Variants in RBFOX1 observed in about 807,000 individuals in gnomAD.
RBFOX1 encodes RNA binding fox-1 homolog 1, also known as RNA binding protein fox-1 homolog 1.
In RBFOX1, 8 loss-of-function variants were observed where a neutral mutation model predicts 57.7. The ratio of observed to expected loss-of-function variants is 0.14; its 90% CI spans 0.08 to 0.25. RBFOX1 has a LOEUF of 0.25. RBFOX1 is among the 10% of genes least tolerant of loss of function. The pLI, the probability that RBFOX1 is intolerant of heterozygous loss-of-function variation, is 1.00. For synonymous variants in RBFOX1, 326 were observed against 222.4 expected (o/e 1.47, Z -4.15); for missense variants, 611 against 548.5 (o/e 1.11, Z -1.14).
chr16:7,706,465 T>A (rs2082475016), intron 14 of RBFOX1, among the ~76,000 whole-genome samples: 1 of 152,204 alleles, frequency 6.6e-6, no homozygotes, highest in Non-Finnish European at 1.5e-5. Flanking sequence ...ACCACTGAAG[T>A]ATGCAGTAGG....
intron 4 of RBFOX1, among the ~76,000 whole-genome samples, chr16:7,332,552 T>G (rs2096711926): frequency 6.6e-6 from 1 of 152,278 alleles, no homozygotes; most frequent in South Asian, 2.1e-4. Context: ...TCTCAGTTTA[T>G]TTTTCCCTAA....
chr16:6,775,128 A>G (rs2079088054), intron 3 of RBFOX1, among the ~76,000 whole-genome samples: 2 of 150,726 alleles, frequency 1.3e-5, no homozygotes. Flanking sequence ...GATCCAGACC[A>G]TCCTGGCGAA....
intron 1 of RBFOX1, among the ~76,000 whole-genome samples, chr16:5,361,141 A>T (rs2065538679): frequency 6.6e-6 from 1 of 152,198 alleles, no homozygotes; most frequent in Non-Finnish European, 1.5e-5. Context: ...CAGTTTACAG[A>T]TGTAAAAGGC....
intron 4 of RBFOX1, among the ~76,000 whole-genome samples, chr16:7,095,293 G>A (rs1277652060): frequency 6.6e-6 from 1 of 151,892 alleles, no homozygotes; most frequent in South Asian, 2.1e-4. Flanking sequence ...TGTCACCACT[G>A]TGCCTGGTTC....
intron 3 of RBFOX1, among the ~76,000 whole-genome samples, chr16:6,754,199 C>G (rs1362616706): frequency 1.3e-5 from 2 of 152,168 alleles, no homozygotes; most frequent in Non-Finnish European, 2.9e-5. Flanking sequence ...GCAGCTACAG[C>G]TAGGAAAGTG....
chr16:6,026,109 G>C lies in RBFOX1; in HGVS notation c.-127+6117G>C, dbSNP rs115774617. The stretch of plus-strand genomic sequence containing the variant: ...CCCCAGGCTTAGAGAAACTGTCCCT[G>C]TTTGCCTGTGTCGATTCTCGTTTTT... On this transcript the variant is annotated intron_variant, in intron 1 of 15. Coordinates refer to ENST00000550418, the MANE Select transcript of RBFOX1 (RefSeq NM_018723.4). Among the ~76,000 whole-genome samples the C allele has an allele frequency of 2.3e-3, 350 of 152,274 alleles. 1 individual carries two copies. Among genetic ancestry groups the C allele is most frequent in the African/African-American group, 8.0e-3 (334 of 41,558 alleles).
chr16:7,350,299 A>C (rs781392592), intron 4 of RBFOX1, among the ~76,000 whole-genome samples: 1 of 152,036 alleles, frequency 6.6e-6, no homozygotes, highest in Non-Finnish European at 1.5e-5. Context: ...GGAGGAAAAA[A>C]GCAAAAGTCC....
intron 4 of RBFOX1, among the ~76,000 whole-genome samples, chr16:7,323,421 C>T (rs1012140626): frequency 1.3e-5 from 2 of 152,104 alleles, no homozygotes; most frequent in East Asian, 1.9e-4. Flanking sequence ...GAGACCCTGT[C>T]TCAATAAATA....
rs375991151 is a variant in RBFOX1, at chr16:6,323,778, CT to C, written c.-64+6733del. ...ATGTTGCATAGTAGTGAAGTCTGTG[CT>C]TTTTTTTTTTTGAGATAGAGTCTCA... On this transcript the variant is annotated intron_variant, in intron 2 of 15. Transcript: ENST00000550418. Among the ~76,000 whole-genome samples, 1,311 of 143,968 alleles carry C rather than the reference CT, an allele frequency of 9.1e-3. 10 individuals carry two copies. Among genetic ancestry groups the C allele is most frequent in the African/African-American group, 0.025 (1,009 of 39,726 alleles). The allele number at this position is 143,968 out of a possible 152,430, so 94.4% of individuals were successfully genotyped here. A position where few individuals can be genotyped will look rare whatever the true frequency, so the allele number is the denominator to read the frequency against.
At chr16:5,640,687 C>G (rs541434868) in intron 3 of RBFOX1, among the ~76,000 whole-genome samples, 4 of 151,818 alleles carry the variant, frequency 2.6e-5, no homozygotes, top group African/African-American at 7.3e-5. Context: ...CACAAGCACA[C>G]CATGGATACA....
intron 1 of RBFOX1, among the ~76,000 whole-genome samples, chr16:5,267,496 C>G (rs2062890283): frequency 1.3e-5 from 2 of 151,632 alleles, no homozygotes; most frequent in Admixed American, 6.6e-5. Context: ...CGGGGTTTCA[C>G]CATGTTGGCC....
At chr16:6,730,269 C>A (rs80097493) in intron 3 of RBFOX1, among the ~76,000 whole-genome samples, 1 of 152,068 alleles carries the variant, frequency 6.6e-6, no homozygotes, top group Non-Finnish European at 1.5e-5. Context: ...CACCAGTGTA[C>A]GGCCCTAAGG....
At chr16:5,834,773 A>G (rs902202593) in intron 3 of RBFOX1, among the ~76,000 whole-genome samples, 4 of 140,138 alleles carry the variant, frequency 2.9e-5, no homozygotes, top group African/African-American at 1.1e-4. Context: ...ATACATGCAC[A>G]GATGATAGAT....
chr16:7,641,674 C>G (rs1390841568), intron 11 of RBFOX1, among the ~76,000 whole-genome samples: 1 of 152,162 alleles, frequency 6.6e-6, no homozygotes, highest in Non-Finnish European at 1.5e-5. Context: ...TCTGGCAAGT[C>G]CTAATTCCCA....
At chr16:7,679,785 G>C (rs1342085853) in intron 14 of RBFOX1, among the ~76,000 whole-genome samples, 1 of 151,992 alleles carries the variant, frequency 6.6e-6, no homozygotes, top group Non-Finnish European at 1.5e-5. Flanking sequence ...CAACCTGAGA[G>C]TCTCTGAATG....
At chr16:6,441,913 C>A (rs531677521) in intron 2 of RBFOX1, among the ~76,000 whole-genome samples, 1 of 152,020 alleles carries the variant, frequency 6.6e-6, no homozygotes, top group Non-Finnish European at 1.5e-5. Flanking sequence ...GTCAGCGTGG[C>A]GGGAGGGTCT....
chr16:7,308,849 A>G (rs573604357), intron 4 of RBFOX1, among the ~76,000 whole-genome samples: 5 of 152,330 alleles, frequency 3.3e-5, no homozygotes, highest in Middle Eastern at 3.4e-3. Flanking sequence ...AGGTCATAAC[A>G]ATTATGACTG....
At chr16:5,687,997 C>A (rs574909252) in intron 3 of RBFOX1, among the ~76,000 whole-genome samples, 9 of 152,128 alleles carry the variant, frequency 5.9e-5, no homozygotes, top group African/African-American at 1.4e-4. Context: ...TCTGCAAGGG[C>A]CCAAGTTTTG....
chr16:6,548,524 G>A (rs554354202), intron 2 of RBFOX1, among the ~76,000 whole-genome samples: 4 of 152,082 alleles, frequency 2.6e-5, no homozygotes, highest in African/African-American at 9.7e-5. Context: ...AGTGAAAAAA[G>A]AAATTTTTTT....
Sources: gnomAD v4.1 joint callset for allele counts (sites outside exome capture counted in the v4.1 genomes callset) on GRCh38, gnomAD v4.1.1 for gene constraint, MANE v1.5 for transcripts, NCBI Gene and HGNC (gene_info 2026-07-23, HGNC 2026-07-21) for gene names.